MED13L: variants seen among roughly 807,000 people sequenced by gnomAD.
MED13L encodes the protein mediator of RNA polymerase II transcription subunit 13-like.
In MED13L, 7 loss-of-function variants were observed where a neutral mutation model predicts 220.9. The ratio of observed to expected loss-of-function variants is 0.03; its 90% CI spans 0.02 to 0.06. MED13L has a LOEUF of 0.06. Among genes scored for constraint, MED13L ranks in the 10% least tolerant of loss-of-function variants. The pLI is 1.00. For synonymous variants in MED13L, 1,011 were observed against 1,015.2 expected, an observed-to-expected ratio of 1.00 and a Z score of 0.08; for missense variants, 1,965 against 2,760.5, an observed-to-expected ratio of 0.71 and a Z score of 6.46.
chr12:116,222,089 T>G (rs1868497455), intron 2 of MED13L, among the ~76,000 whole-genome samples: 1 of 152,206 alleles, frequency 6.6e-6, no homozygotes, highest in African/African-American at 2.4e-5. Context: ...TATATCCTTA[T>G]TTAGCATCTA....
At chr12:116,160,480 C>T (rs1878772342) in intron 2 of MED13L, among the ~76,000 whole-genome samples, 1 of 151,938 alleles carries the variant, frequency 6.6e-6, no homozygotes, top group Admixed American at 6.6e-5. Context: ...TCTGCCTCTA[C>T]TATGGAAACT....
At chr12:116,140,202 C>T (rs562786443) in intron 2 of MED13L, among the ~76,000 whole-genome samples, 1 of 152,222 alleles carries the variant, frequency 6.6e-6, no homozygotes, top group East Asian at 1.9e-4. Context: ...TCTTCCAGAG[C>T]ATTTACTACC....
At chr12:116,065,867 C>G (rs1263703467) in intron 4 of MED13L, among the ~76,000 whole-genome samples, 2 of 152,148 alleles carry the variant, frequency 1.3e-5, no homozygotes, top group African/African-American at 4.8e-5. Flanking sequence ...CAGAACTGTG[C>G]AAAACAATGA....
At chr12:116,039,603 G>A (rs1592976418) in intron 4 of MED13L, among the ~76,000 whole-genome samples, 1 of 152,034 alleles carries the variant, frequency 6.6e-6, no homozygotes, top group East Asian at 1.9e-4. Context: ...TTAAGGCAAG[G>A]AAATTACCAT....
At chr12:116,076,164 C>T (rs1361786068) in intron 4 of MED13L, among the ~76,000 whole-genome samples, 2 of 152,188 alleles carry the variant, frequency 1.3e-5, no homozygotes, top group East Asian at 1.9e-4. Context: ...CCGCCCGCCT[C>T]GGCCTCCCAA....
At chr12:116,123,806 C>A (rs1223735625) in intron 2 of MED13L, among the ~76,000 whole-genome samples, 1 of 152,122 alleles carries the variant, frequency 6.6e-6, no homozygotes, top group Non-Finnish European at 1.5e-5. Flanking sequence ...TTACAGGAGG[C>A]TTAGCCCTGG....
intron 2 of MED13L, among the ~76,000 whole-genome samples, chr12:116,184,802 G>A (rs1472548875): frequency 6.6e-6 from 1 of 152,098 alleles, no homozygotes; most frequent in Non-Finnish European, 1.5e-5. Flanking sequence ...TTTTACAAGA[G>A]AACCAAAAGT....
At chr12:116,093,328 T>C (rs988299520) in intron 4 of MED13L, among the ~76,000 whole-genome samples, 3 of 152,106 alleles carry the variant, frequency 2.0e-5, no homozygotes, top group Non-Finnish European at 4.4e-5. Context: ...AAGATGTCAA[T>C]ATAGAGAAAA....
chr12:116,024,783 GGGGA>G (rs1880286616), intron 4 of MED13L, among the ~76,000 whole-genome samples: 1 of 82,628 alleles, frequency 1.2e-5, no homozygotes, highest in African/African-American at 4.2e-5. Context: ...CGGGGGGGGG[GGGGA>G]GGTGATCTTG....
At chr12:116,034,238 C>G (rs1382717803) in intron 4 of MED13L, among the ~76,000 whole-genome samples, 1 of 151,996 alleles carries the variant, frequency 6.6e-6, no homozygotes, top group Non-Finnish European at 1.5e-5. Context: ...CATATTTTAC[C>G]TATCATTTTG....
At chr12:115,969,802 G>A (rs562766877) in intron 27 of MED13L, among the ~76,000 whole-genome samples, 120 of 152,172 alleles carry the variant, frequency 7.9e-4, no homozygotes, top group African/African-American at 2.8e-3. Context: ...AGGATTACAG[G>A]CATAAGCCAC....
chr12:116,029,371 T>C (rs897011996), intron 4 of MED13L, among the ~76,000 whole-genome samples: 1 of 110,562 alleles, frequency 9.0e-6, no homozygotes, highest in African/African-American at 2.8e-5. Context: ...GAGTCTGCCA[T>C]TTTTAAAGAC....
chr12:116,128,436 ATTC>A (rs1875783054), intron 2 of MED13L, among the ~76,000 whole-genome samples: 1 of 149,364 alleles, frequency 6.7e-6, no homozygotes, highest in South Asian at 2.2e-4. Context: ...AATGAAGGGT[ATTC>A]TTGAGGAAAA....
intron 4 of MED13L, among the ~76,000 whole-genome samples, chr12:116,031,690 G>GAA (rs1300240185): frequency 6.4e-5 from 2 of 31,396 alleles, no homozygotes; most frequent in Non-Finnish European, 1.6e-4. Flanking sequence ...GAAAAGAAAA[G>GAA]AAAAGAAAAG....
At chr12:115,978,793 A>G (rs1271519266) in intron 23 of MED13L, among the ~76,000 whole-genome samples, 3 of 152,226 alleles carry the variant, frequency 2.0e-5, no homozygotes, top group Non-Finnish European at 4.4e-5. Flanking sequence ...GAAAACACTA[A>G]ATAAAATATG....
intron 20 of MED13L, 74 bp downstream of exon 20, chr12:115,984,106 T>G (rs1877521969): frequency 6.9e-7 from 1 of 1,455,808 alleles, no homozygotes; most frequent in East Asian, 2.3e-5. Context: ...ATGTTGCATC[T>G]ATAAAAGAAG....
chr12:116,150,454 T>A (rs931628281), intron 2 of MED13L, among the ~76,000 whole-genome samples: 1 of 152,210 alleles, frequency 6.6e-6, no homozygotes, highest in African/African-American at 2.4e-5. Context: ...TAAACTTCTA[T>A]AATCAATGAG....
intron 2 of MED13L, among the ~76,000 whole-genome samples, chr12:116,142,666 C>T (rs903333485): frequency 5.3e-5 from 8 of 151,694 alleles, no homozygotes; most frequent in East Asian, 3.9e-4. Flanking sequence ...CCAGCCTGGA[C>T]GACAAGAGTG....
intron 4 of MED13L, among the ~76,000 whole-genome samples, chr12:116,075,931 T>TCC (rs1565864687): frequency 6.9e-5 from 10 of 144,444 alleles, no homozygotes; most frequent in African/African-American, 1.6e-4. Flanking sequence ...TTTTTTTTTT[T>TCC]GAGACGGAGT....
Sources: allele counts gnomAD v4.1 joint callset (sites outside exome capture counted in the v4.1 genomes callset), GRCh38; gene constraint gnomAD v4.1.1; transcripts MANE v1.5; gene names NCBI Gene and HGNC (gene_info 2026-07-23, HGNC 2026-07-21).